The following CAMTA1 variants were observed in gnomAD, a reference collection of about 807,000 sequenced individuals.
The protein encoded by CAMTA1 is calmodulin binding transcription activator 1.
CAMTA1 carries 27 observed loss-of-function variants against 170.9 expected under a neutral mutation model. That is an observed-to-expected ratio of 0.16 (90% CI 0.12 to 0.22). The LOEUF is 0.22. Among genes scored for constraint, CAMTA1 ranks in the 10% least tolerant of loss-of-function variants. CAMTA1 has a pLI of 1.00. For synonymous variants in CAMTA1, 833 were observed against 891.5 expected (o/e 0.93, Z 1.17); for missense variants, 1,619 against 2,217.2 (o/e 0.73, Z 5.42).
At chr1:6,814,675 G>A (rs1570362655) in intron 1 of CAMTA1, among the ~76,000 whole-genome samples, 2 of 152,146 alleles carry the variant, frequency 1.3e-5, no homozygotes, top group African/African-American at 4.8e-5. Flanking sequence ...AAGCAAAACT[G>A]GACTGAGAGG....
At chr1:6,819,886 A>G (rs2148449247) in intron 1 of CAMTA1, among the ~76,000 whole-genome samples, 1 of 152,360 alleles carries the variant, frequency 6.6e-6, no homozygotes, top group African/African-American at 2.4e-5. Flanking sequence ...GCTGTTTGCC[A>G]GTTGATCCAG....
intron 3 of CAMTA1, among the ~76,000 whole-genome samples, chr1:6,859,473 A>C (rs893458549): frequency 6.6e-5 from 10 of 152,276 alleles, no homozygotes; most frequent in Admixed American, 6.5e-4. Flanking sequence ...TCAGAGTGTA[A>C]ATATTTGACA....
At chr1:7,329,148 A>G (rs1229683435) in intron 5 of CAMTA1, among the ~76,000 whole-genome samples, 1 of 152,164 alleles carries the variant, frequency 6.6e-6, no homozygotes, top group African/African-American at 2.4e-5. Flanking sequence ...ACTGTAGGTC[A>G]TAGAAGTGTT....
At chr1:7,181,883 A>T (rs1183331780) in intron 4 of CAMTA1, among the ~76,000 whole-genome samples, 1 of 152,116 alleles carries the variant, frequency 6.6e-6, no homozygotes. Context: ...GAAAAGACAA[A>T]CATGCAGTAA....
At chr1:7,071,382 A>T (rs905006720) in intron 3 of CAMTA1, among the ~76,000 whole-genome samples, 1 of 152,250 alleles carries the variant, frequency 6.6e-6, no homozygotes, top group South Asian at 2.1e-4. Context: ...TATGGAGTAA[A>T]TCATTAGGGG....
rs1043159341 is a variant in CAMTA1, at chr1:7,641,829, C to G, written c.664+1276C>G. On this transcript the variant is annotated intron_variant, in intron 7 of 22. Transcript: ENST00000303635. The surrounding 1 kb of genome is among the most constrained non-coding windows in gnomAD (Gnocchi z 4.5). ...GCCCAGGGACCTCCTGAGCTCAGAC[C>G]ACACCCAGTGGCAACCTTCTTAACT... Among the ~76,000 whole-genome samples the G allele has an allele frequency of 2.6e-5, 4 of 152,138 alleles. No homozygotes were observed. The highest frequency in any genetic ancestry group is 2.9e-5 in the Non-Finnish European group (2 of 68,002).
intron 1 of CAMTA1, chr1:6,807,073 A>T (rs1644600436): frequency 1.5e-6 from 1 of 657,356 alleles, no homozygotes. Flanking sequence ...TTCAGCTGGG[A>T]CTCAGTGCTG....
chr1:7,529,437 C>A (rs575468434), intron 6 of CAMTA1, among the ~76,000 whole-genome samples: 1 of 152,172 alleles, frequency 6.6e-6, no homozygotes, highest in Admixed American at 6.5e-5. Context: ...TGCGACAGTA[C>A]CCGCTCGCTG....
chr1:7,643,633 C>T (rs2095783230), intron 7 of CAMTA1, among the ~76,000 whole-genome samples: 1 of 152,242 alleles, frequency 6.6e-6, no homozygotes. Context: ...CTGGAGGGAA[C>T]TGTGAATGCC....
intron 3 of CAMTA1, among the ~76,000 whole-genome samples, chr1:6,944,575 G>A (rs74051069): frequency 0.013 from 1,944 of 152,180 alleles, 34 homozygotes; most frequent in African/African-American, 0.044. Context: ...TTCCCCAGGC[G>A]GTCCCATGCT....
intron 6 of CAMTA1, among the ~76,000 whole-genome samples, chr1:7,525,370 C>T (rs1479291271): frequency 6.6e-6 from 1 of 152,082 alleles, no homozygotes; most frequent in East Asian, 1.9e-4. Flanking sequence ...AGCCCTGACT[C>T]TGGAACCTTC....
At chr1:6,893,275 A>T (rs532693861) in intron 3 of CAMTA1, among the ~76,000 whole-genome samples, 1 of 152,124 alleles carries the variant, frequency 6.6e-6, no homozygotes, top group Non-Finnish European at 1.5e-5. Flanking sequence ...AAAAAAAGAA[A>T]AGAAGAAAAA....
chr1:6,884,460 G>A (rs138919240), intron 3 of CAMTA1, among the ~76,000 whole-genome samples: 3 of 152,190 alleles, frequency 2.0e-5, no homozygotes, highest in Non-Finnish European at 4.4e-5. Flanking sequence ...AAACAGGAGC[G>A]TCTCAGCAGC....
At chr1:6,939,488 G>A (rs79557447) in intron 3 of CAMTA1, among the ~76,000 whole-genome samples, 2 of 152,116 alleles carry the variant, frequency 1.3e-5, no homozygotes, top group East Asian at 1.9e-4. Flanking sequence ...TGCCAGCACC[G>A]CCCATGGGCT....
At chr1:7,545,962 T>C (rs549968041) in intron 6 of CAMTA1, among the ~76,000 whole-genome samples, 120 of 150,258 alleles carry the variant, frequency 8.0e-4, no homozygotes, top group African/African-American at 2.5e-3. Context: ...CTTTTCTTTT[T>C]TTTTTTTTTT....
intron 4 of CAMTA1, among the ~76,000 whole-genome samples, chr1:7,166,359 TC>T (rs1648430789): frequency 6.6e-6 from 1 of 152,118 alleles, no homozygotes; most frequent in Admixed American, 6.6e-5. Flanking sequence ...AGCCACCGCG[TC>T]CGGCCTACTT....
chr1:7,107,340 G>A (rs566463362), intron 4 of CAMTA1, among the ~76,000 whole-genome samples: 57 of 151,276 alleles, frequency 3.8e-4, no homozygotes, highest in African/African-American at 1.3e-3. Flanking sequence ...AATGCAAAAT[G>A]GGGCCAAGAT....
intron 4 of CAMTA1, among the ~76,000 whole-genome samples, chr1:7,191,829 T>A (rs762532049): frequency 1.3e-5 from 2 of 152,180 alleles, no homozygotes; most frequent in African/African-American, 2.4e-5. Flanking sequence ...GGCCTTGTGT[T>A]ATTTCTCTAA....
intron 5 of CAMTA1, among the ~76,000 whole-genome samples, chr1:7,393,044 C>T (rs58937072): frequency 1.6e-5 from 2 of 127,626 alleles, no homozygotes; most frequent in Non-Finnish European, 3.3e-5. Context: ...CAGAGTGATA[C>T]TATATCTCTT....
Sources: gnomAD v4.1 joint callset for allele counts (sites outside exome capture counted in the v4.1 genomes callset) on GRCh38, gnomAD v4.1.1 for gene constraint, Gnocchi (gnomAD v3.1) non-coding constraint, MANE v1.5 for transcripts, NCBI Gene and HGNC (gene_info 2026-07-23, HGNC 2026-07-21) for gene names.